The following TRAPPC9 variants were observed in gnomAD, a reference collection of about 807,000 sequenced individuals.
The protein encoded by TRAPPC9 is IKK2 binding protein.
In TRAPPC9, 83 loss-of-function variants were observed where a neutral mutation model predicts 124.0. That is an observed-to-expected ratio of 0.67 (90% CI 0.56 to 0.80). The LOEUF is 0.80. Ranked by LOEUF, TRAPPC9 falls within the 30% of genes least tolerant of loss-of-function variation. The pLI is 0.00. For missense variants in TRAPPC9, 1,302 were observed against 1,508.3 expected, an observed-to-expected ratio of 0.86 and a Z score of 2.27; for synonymous variants, 638 against 617.5, an observed-to-expected ratio of 1.03 and a Z score of -0.49.
At chr8:140,031,277 T>C (rs949027478) in intron 17 of TRAPPC9, among the ~76,000 whole-genome samples, 1 of 152,320 alleles carries the variant, frequency 6.6e-6, no homozygotes, top group East Asian at 1.9e-4. Flanking sequence ...ACTTGTCCAG[T>C]TCTCAGTCTC....
chr8:140,414,476 A>G (rs546573906), intron 5 of TRAPPC9, among the ~76,000 whole-genome samples: 25 of 152,090 alleles, frequency 1.6e-4, no homozygotes, highest in Non-Finnish European at 3.7e-4. Flanking sequence ...TGAGGCTGCA[A>G]TGAGCCATGA....
chr8:140,390,607 C>G (rs2068898581), intron 7 of TRAPPC9, among the ~76,000 whole-genome samples: 1 of 152,218 alleles, frequency 6.6e-6, no homozygotes, highest in Non-Finnish European at 1.5e-5. Context: ...GCTTTGCAGG[C>G]AGCTGCCATC....
intron 21 of TRAPPC9, among the ~76,000 whole-genome samples, chr8:139,757,130 G>C (rs1352532916): frequency 3.7e-5 from 5 of 136,678 alleles, no homozygotes; most frequent in African/African-American, 1.4e-4. Context: ...GGAGGAGCCA[G>C]GGTTTGAGGA....
rs142859763 is a variant in TRAPPC9 at position 140,223,623 on chromosome 8, T to C, written c.2432-2040A>G. ...GTGATAAGATGAAGAGTATTTACTT[T>C]TAATTGACACAAAATGTATATTTCC... On this transcript the variant is annotated intron_variant, in intron 16 of 22. Coordinates refer to ENST00000438773, the MANE Select transcript of TRAPPC9 (RefSeq NM_001160372.4). Among the ~76,000 whole-genome samples the C allele has an allele frequency of 2.9e-3, 449 of 152,366 alleles. 1 individual carries two copies. The highest frequency in any genetic ancestry group is 3.9e-3 in the Non-Finnish European group (262 of 68,040).
At chr8:140,318,545 G>C (rs1031037173) in intron 9 of TRAPPC9, among the ~76,000 whole-genome samples, 9 of 152,108 alleles carry the variant, frequency 5.9e-5, no homozygotes, top group Non-Finnish European at 1.3e-4. Flanking sequence ...TTACCTCCCA[G>C]CCTCTGCTAA....
chr8:140,009,024 G>A (rs958608264), intron 18 of TRAPPC9, among the ~76,000 whole-genome samples: 3 of 152,078 alleles, frequency 2.0e-5, no homozygotes, highest in African/African-American at 7.2e-5. Flanking sequence ...TCTAAAAACT[G>A]TTTCTATTTT....
intron 17 of TRAPPC9, among the ~76,000 whole-genome samples, chr8:140,072,708 C>T (rs1259698497): frequency 6.6e-6 from 1 of 151,514 alleles, no homozygotes; most frequent in Non-Finnish European, 1.5e-5. Context: ...ATATATATAT[C>T]TTCACTATAT....
At chr8:139,880,728 C>T (rs1322272849) in intron 21 of TRAPPC9, among the ~76,000 whole-genome samples, 5 of 152,118 alleles carry the variant, frequency 3.3e-5, no homozygotes, top group Admixed American at 1.3e-4. Flanking sequence ...GTCAGAAAAT[C>T]GAATCAAAAT....
intron 7 of TRAPPC9, among the ~76,000 whole-genome samples, chr8:140,397,309 T>C (rs1305113108): frequency 6.6e-6 from 1 of 152,172 alleles, no homozygotes; most frequent in Non-Finnish European, 1.5e-5. Flanking sequence ...AAGTACTTCA[T>C]GAGTGACAAT....
At chr8:140,303,068 A>T (rs2066028735) in intron 10 of TRAPPC9, among the ~76,000 whole-genome samples, 1 of 152,176 alleles carries the variant, frequency 6.6e-6, no homozygotes, top group African/African-American at 2.4e-5. Context: ...ACGACCCTGA[A>T]TTTGGGCCTC....
chr8:139,779,564 T>C (rs1821638353), intron 21 of TRAPPC9, among the ~76,000 whole-genome samples: 1 of 152,174 alleles, frequency 6.6e-6, no homozygotes, highest in East Asian at 1.9e-4. Context: ...TTAAAGCCCA[T>C]AGGGAGGATT....
intron 16 of TRAPPC9, among the ~76,000 whole-genome samples, chr8:140,229,184 C>T (rs1252206311): frequency 6.7e-6 from 1 of 148,670 alleles, no homozygotes; most frequent in African/African-American, 2.5e-5. Flanking sequence ...ATGGGAAACA[C>T]AGAAAGCAGT....
chr8:140,407,987 T>G, intron 5 of TRAPPC9, among the ~76,000 whole-genome samples: 1 of 152,178 alleles, frequency 6.6e-6, no homozygotes, highest in Admixed American at 6.5e-5. Flanking sequence ...AAGAAAAATA[T>G]AAACCATAGG....
Position 139,742,281 on chromosome 8 carries a change from G to T in TRAPPC9, c.3056-10079C>A, listed in dbSNP as rs911095853. Among the ~76,000 whole-genome samples the T allele has an allele frequency of 2.0e-5, 3 of 152,196 alleles. No individual in the cohort carries two copies. Among genetic ancestry groups the T allele is most frequent in the Non-Finnish European group, 4.4e-5 (3 of 68,040 alleles). ...TCTACCCCCAACCGGCCATGCTGCCGGCGCTCACTGCTCCCTGTGCAGACA... is the reference window on the plus strand; with the variant it reads ...TCTACCCCCAACCGGCCATGCTGCCTGCGCTCACTGCTCCCTGTGCAGACA... On this transcript the variant is annotated intron_variant, in intron 21 of 22. Coordinates refer to ENST00000438773, the MANE Select transcript of TRAPPC9 (RefSeq NM_001160372.4). The surrounding 1 kb of genome is among the most constrained non-coding windows in gnomAD (Gnocchi z 4.7).
intron 21 of TRAPPC9, among the ~76,000 whole-genome samples, chr8:139,821,525 A>G (rs944320576): frequency 1.3e-5 from 2 of 152,214 alleles, no homozygotes; most frequent in Admixed American, 1.3e-4. Context: ...CATATGCATC[A>G]ATGTGAGCCT....
At chr8:140,438,642 C>G (rs2070900665) in intron 3 of TRAPPC9, among the ~76,000 whole-genome samples, 1 of 152,172 alleles carries the variant, frequency 6.6e-6, no homozygotes, top group Non-Finnish European at 1.5e-5. Flanking sequence ...CCTCCCTCAT[C>G]CCTTCTTTTT....
Position 139,971,832 on chromosome 8 carries a change from A to G in TRAPPC9, c.2810+16894T>C, listed in dbSNP as rs1047270060. Among the ~76,000 whole-genome samples the G allele has an allele frequency of 3.5e-4, 49 of 139,682 alleles. 1 individual carries two copies. Among genetic ancestry groups the G allele is most frequent in the African/African-American group, 1.3e-3 (48 of 38,204 alleles). The allele number at this position is 139,682 out of a possible 152,430, so 91.6% of individuals were successfully genotyped here. On this transcript the variant is annotated intron_variant, in intron 19 of 22. Transcript: ENST00000438773. ...ATATATATATACACACACACACACA[A>G]TTTTTTTTTTTGAGACAGAGTCTCG...
intron 21 of TRAPPC9, among the ~76,000 whole-genome samples, chr8:139,884,280 A>T (rs1488365582): frequency 3.3e-5 from 5 of 151,284 alleles, no homozygotes; most frequent in Non-Finnish European, 7.4e-5. Flanking sequence ...TACCATCAGA[A>T]CCTCTCCCCC....
intron 9 of TRAPPC9, among the ~76,000 whole-genome samples, chr8:140,347,500 T>C (rs1468415182): frequency 6.6e-6 from 1 of 152,202 alleles, no homozygotes; most frequent in Non-Finnish European, 1.5e-5. Context: ...TTCAGCCCTG[T>C]CCTCAGCCTG....
Sources: allele counts gnomAD v4.1 joint callset (sites outside exome capture counted in the v4.1 genomes callset), GRCh38; gene constraint gnomAD v4.1.1; non-coding constraint Gnocchi (gnomAD v3.1); transcripts MANE v1.5; gene names NCBI Gene and HGNC (gene_info 2026-07-23, HGNC 2026-07-21).